The following BLTP1 variants were observed in gnomAD, a reference collection of about 807,000 sequenced individuals.
BLTP1 encodes the protein fragile site-associated protein.
At chr4:122,252,721 C>T in the BLTP1 span, among the ~76,000 whole-genome samples, 1 of 152,182 alleles carries the variant, frequency 6.6e-6, no homozygotes, top group African/African-American at 2.4e-5. Flanking sequence ...CAGAGCCTGG[C>T]GAACTCGCCA....
At chr4:122,320,314 G>A in the BLTP1 span, among the ~76,000 whole-genome samples, 1 of 151,954 alleles carries the variant, frequency 6.6e-6, no homozygotes. Context: ...TGCCTGGCAG[G>A]ATTTTAAAAC....
At chr4:122,312,217 G>A in the BLTP1 span, among the ~76,000 whole-genome samples, 1 of 152,034 alleles carries the variant, frequency 6.6e-6, no homozygotes, top group Non-Finnish European at 1.5e-5. Context: ...TAAATTTCCT[G>A]TATAGATGGA....
chr4:122,212,345 C>T, the BLTP1 span, among the ~76,000 whole-genome samples: 24 of 152,184 alleles, frequency 1.6e-4, no homozygotes, highest in East Asian at 4.1e-3. Context: ...TTGTGACCAT[C>T]GTTTGACCTA....
At chr4:122,181,169 A>G in the BLTP1 span, 31 of 371,886 alleles carry the variant, frequency 8.3e-5, no homozygotes, top group African/African-American at 1.3e-4. Flanking sequence ...AATCATCTAT[A>G]AAGCAGATCA....
chr4:122,289,868 G>GT, the BLTP1 span: 3 of 835,374 alleles, frequency 3.6e-6, no homozygotes, highest in East Asian at 3.7e-4. Context: ...ATTTTGATGA[G>GT]TTCTGCGAAT....
chr4:122,224,766 A>G, the BLTP1 span: 2 of 1,604,210 alleles, frequency 1.2e-6, no homozygotes, highest in Non-Finnish European at 1.7e-6. Flanking sequence ...GCCTGTTTGA[A>G]TGTTCATTGC....
At chr4:122,285,543 T>C in the BLTP1 span, among the ~76,000 whole-genome samples, 1 of 152,152 alleles carries the variant, frequency 6.6e-6, no homozygotes. Context: ...ATTTTTCTGT[T>C]TTTGGCTAAC....
the BLTP1 span, chr4:122,238,092 G>A: frequency 6.2e-7 from 1 of 1,613,728 alleles, no homozygotes; most frequent in Non-Finnish European, 8.5e-7. Flanking sequence ...GTTTGTTTAG[G>A]TAATGTGAAT....
At chr4:122,220,327 C>T in the BLTP1 span, 1 of 1,612,222 alleles carries the variant, frequency 6.2e-7, no homozygotes, top group South Asian at 1.1e-5. Flanking sequence ...TTTCATTTGA[C>T]TGTAGCATGG....
the BLTP1 span, among the ~76,000 whole-genome samples, chr4:122,166,977 C>T: frequency 6.6e-6 from 1 of 152,136 alleles, no homozygotes; most frequent in Non-Finnish European, 1.5e-5. Flanking sequence ...TTGGGTACTT[C>T]TTTCCTTTCT....
At chr4:122,294,135 G>A in the BLTP1 span, among the ~76,000 whole-genome samples, 1 of 151,758 alleles carries the variant, frequency 6.6e-6, no homozygotes, top group Non-Finnish European at 1.5e-5. Flanking sequence ...TGGGGGGTGG[G>A]GCGCTGCCAT....
At chr4:122,209,294 C>T in the BLTP1 span, 7 of 1,612,050 alleles carry the variant, frequency 4.3e-6, no homozygotes, top group Non-Finnish European at 5.9e-6. Context: ...TCAAAGTGGC[C>T]AGAAAACAGT....
At chr4:122,353,218 T>C in the BLTP1 span, 7 of 1,568,774 alleles carry the variant, frequency 4.5e-6, no homozygotes, top group East Asian at 4.5e-5. This position sits in a 1 kb window ranked among gnomAD's most constrained non-coding sequence, Gnocchi z 4.3. Context: ...TAAATGACAA[T>C]TGTATTTCTG....
At chr4:122,320,374 C>T in the BLTP1 span, among the ~76,000 whole-genome samples, 2 of 152,016 alleles carry the variant, frequency 1.3e-5, no homozygotes, top group East Asian at 1.9e-4. Context: ...TGGTCTCAAA[C>T]TCCTGGCCTC....
the BLTP1 span, chr4:122,152,993 C>G: frequency 3.0e-6 from 3 of 985,304 alleles, no homozygotes; most frequent in Non-Finnish European, 3.6e-6. Flanking sequence ...GGCGGGGAAG[C>G]CTTGGAACAA....
the BLTP1 span, chr4:122,197,318 T>G: frequency 4.0e-6 from 5 of 1,249,866 alleles, no homozygotes; most frequent in Non-Finnish European, 5.4e-6. Context: ...ATTAGGGAAA[T>G]AATTATAAAT....
chr4:122,237,856 G>T, the BLTP1 span, among the ~76,000 whole-genome samples: 4 of 151,698 alleles, frequency 2.6e-5, no homozygotes, highest in Non-Finnish European at 5.9e-5. Context: ...GGTGGTGCGT[G>T]CCTGTAGTCC....
At chr4:122,179,278 T>C in the BLTP1 span, among the ~76,000 whole-genome samples, 2 of 152,016 alleles carry the variant, frequency 1.3e-5, no homozygotes, top group East Asian at 1.9e-4. Context: ...AAAAAATAAA[T>C]AAATAAATAA....
At chr4:122,245,014 C>G in the BLTP1 span, 2 of 1,601,944 alleles carry the variant, frequency 1.2e-6, no homozygotes, top group Non-Finnish European at 1.7e-6. Context: ...TGTTTTTTCC[C>G]CTCAGATATA....
Sources: gnomAD v4.1 joint callset for allele counts (sites outside exome capture counted in the v4.1 genomes callset) on GRCh38, gnomAD v4.1.1 for gene constraint, Gnocchi (gnomAD v3.1) non-coding constraint, MANE v1.5 for transcripts, NCBI Gene and HGNC (gene_info 2026-07-23, HGNC 2026-07-21) for gene names.